Variants in DPP10 observed in about 807,000 individuals in gnomAD.
DPP10 encodes dipeptidyl peptidase like 10.
DPP10 carries 33 observed loss-of-function variants against 120.9 expected under a neutral mutation model. The observed-to-expected ratio is 0.27, with a 90% CI of 0.21 to 0.37. The LOEUF (loss-of-function observed/expected upper bound fraction) is 0.37. Among genes scored for constraint, DPP10 ranks in the 10% least tolerant of loss-of-function variants. DPP10 has a pLI of 1.00. For synonymous variants in DPP10, 337 were observed against 326.1 expected (o/e 1.03, Z -0.36); for missense variants, 816 against 942.8 (o/e 0.87, Z 1.76).
At chr2:115,709,014 A>G (rs1333070644) in intron 7 of DPP10, among the ~76,000 whole-genome samples, 2 of 152,052 alleles carry the variant, frequency 1.3e-5, no homozygotes, top group Non-Finnish European at 2.9e-5. Context: ...TCAGCAATAA[A>G]CTCTGACAAA....
intron 1 of DPP10, among the ~76,000 whole-genome samples, chr2:114,889,418 T>C (rs868820818): frequency 1.6e-4 from 24 of 151,640 alleles, no homozygotes; most frequent in South Asian, 8.3e-4. Context: ...ATACATTATA[T>C]ATGTATAAAA....
chr2:115,403,097 C>T (rs190300639), intron 3 of DPP10, among the ~76,000 whole-genome samples: 1 of 150,816 alleles, frequency 6.6e-6, no homozygotes, highest in Non-Finnish European at 1.5e-5. Flanking sequence ...TCTTAGGATG[C>T]AAAGATGGTT....
At chr2:114,904,865 T>C (rs1188388135) in intron 1 of DPP10, among the ~76,000 whole-genome samples, 1 of 152,038 alleles carries the variant, frequency 6.6e-6, no homozygotes, top group Non-Finnish European at 1.5e-5. Flanking sequence ...AGCTAGATAG[T>C]TGGGGGCAGA....
At chr2:114,726,594 T>TCA (rs1010947287) in intron 1 of DPP10, among the ~76,000 whole-genome samples, 2 of 152,232 alleles carry the variant, frequency 1.3e-5, no homozygotes, top group Non-Finnish European at 2.9e-5. Context: ...TTGAAAAATT[T>TCA]CACTTTGCTG....
At chr2:114,956,951 G>T (rs1698252530) in intron 1 of DPP10, among the ~76,000 whole-genome samples, 1 of 123,968 alleles carries the variant, frequency 8.1e-6, no homozygotes, top group South Asian at 2.7e-4. Context: ...ATGAACTAAA[G>T]ACTTACATGT....
intron 11 of DPP10, among the ~76,000 whole-genome samples, chr2:115,760,758 G>A (rs370410113): frequency 7.9e-5 from 12 of 152,134 alleles, no homozygotes; most frequent in African/African-American, 2.7e-4. Context: ...ATTTGTTAAA[G>A]TGTTCTGGAT....
At chr2:115,164,762 C>G (rs1331130861) in intron 1 of DPP10, among the ~76,000 whole-genome samples, 1 of 152,180 alleles carries the variant, frequency 6.6e-6, no homozygotes, top group African/African-American at 2.4e-5. Flanking sequence ...AGGGCTCAAC[C>G]TTCCTCTTTT....
At chr2:115,138,579 T>C (rs552173960) in intron 1 of DPP10, among the ~76,000 whole-genome samples, 1 of 152,312 alleles carries the variant, frequency 6.6e-6, no homozygotes, top group East Asian at 1.9e-4. Flanking sequence ...CAAACATGGA[T>C]ATAATTACTC....
chr2:114,596,941 C>T (rs1198762144), intron 1 of DPP10, among the ~76,000 whole-genome samples: 33 of 152,016 alleles, frequency 2.2e-4, no homozygotes. Flanking sequence ...GTCCTAGTTA[C>T]TGGGGTCACA....
chr2:115,343,311 AC>A (rs2063540956), intron 2 of DPP10, among the ~76,000 whole-genome samples: 1 of 152,176 alleles, frequency 6.6e-6, no homozygotes, highest in Admixed American at 6.5e-5. Flanking sequence ...TTTGTTGGGT[AC>A]TAATTTTTTT....
At chr2:115,188,964 T>C (rs1189801843) in intron 1 of DPP10, among the ~76,000 whole-genome samples, 1 of 152,210 alleles carries the variant, frequency 6.6e-6, no homozygotes, top group Non-Finnish European at 1.5e-5. Context: ...ACTTCACAGC[T>C]ATAAAAATGA....
At chr2:114,453,305 A>G (rs1189008957) in intron 1 of DPP10, among the ~76,000 whole-genome samples, 1 of 152,178 alleles carries the variant, frequency 6.6e-6, no homozygotes, top group African/African-American at 2.4e-5. Flanking sequence ...GGCTTCTTTG[A>G]TCACGTTTGA....
chr2:115,171,390 G>GAA (rs2053325246), intron 1 of DPP10, among the ~76,000 whole-genome samples: 1 of 149,886 alleles, frequency 6.7e-6, no homozygotes, highest in African/African-American at 2.4e-5. Flanking sequence ...GAAAAGAAAA[G>GAA]AAAAGAAAAA....
intron 2 of DPP10, among the ~76,000 whole-genome samples, chr2:115,327,760 A>T (rs926258610): frequency 2.0e-5 from 3 of 152,060 alleles, no homozygotes; most frequent in African/African-American, 7.2e-5. Context: ...CCACACAGAT[A>T]TTCAAAAGAT....
intron 1 of DPP10, among the ~76,000 whole-genome samples, chr2:114,502,258 A>C (rs1323921161): frequency 1.3e-5 from 2 of 152,034 alleles, no homozygotes; most frequent in Non-Finnish European, 2.9e-5. Context: ...CAGCCAAAAG[A>C]CTGATATTTT....
At chr2:114,607,098 C>A (rs144177104) in intron 1 of DPP10, among the ~76,000 whole-genome samples, 1 of 152,230 alleles carries the variant, frequency 6.6e-6, no homozygotes, top group African/African-American at 2.4e-5. Flanking sequence ...TTAATTCTTA[C>A]AAAGTTTGTC....
At chr2:114,587,821 C>T (rs918180466) in intron 1 of DPP10, among the ~76,000 whole-genome samples, 2 of 152,142 alleles carry the variant, frequency 1.3e-5, no homozygotes, top group African/African-American at 4.8e-5. Context: ...TTGATTTAAA[C>T]TAAAAATACT....
chr2:114,527,519 A>G (rs1558846265), intron 1 of DPP10, among the ~76,000 whole-genome samples: 1 of 152,200 alleles, frequency 6.6e-6, no homozygotes, highest in African/African-American at 2.4e-5. Context: ...CTAGTTTGAC[A>G]GTATTAACAT....
intron 5 of DPP10, among the ~76,000 whole-genome samples, chr2:115,582,208 C>A (rs556702362): frequency 6.6e-6 from 1 of 152,132 alleles, no homozygotes; most frequent in Non-Finnish European, 1.5e-5. Flanking sequence ...GCTGTCCGCA[C>A]GCACAGTGGC....
Sources: allele counts gnomAD v4.1 joint callset (sites outside exome capture counted in the v4.1 genomes callset), GRCh38; gene constraint gnomAD v4.1.1; transcripts MANE v1.5; gene names NCBI Gene and HGNC (gene_info 2026-07-23, HGNC 2026-07-21).